ZNF529: variants seen among roughly 807,000 people sequenced by gnomAD.
ZNF529 encodes zinc finger protein 529.
A neutral mutation model predicts 10.1 loss-of-function variants in ZNF529; 11 were observed. The ratio of observed to expected loss-of-function variants is 1.09; its 90% CI spans 0.69 to 1.81. ZNF529 has a LOEUF of 1.81. ZNF529 is among the 40% of genes most tolerant of loss of function. The pLI is 0.00. For missense variants in ZNF529, 624 were observed against 666.8 expected, an observed-to-expected ratio of 0.94 and a Z score of 0.71; for synonymous variants, 204 against 215.7, an observed-to-expected ratio of 0.95 and a Z score of 0.47.
At position 36,548,207 on chromosome 19, in the gene ZNF529, G is replaced by A. The variant is rs2035124374; in HGVS notation, c.351C>T (p.Ser117=). ...ESSKLCGLEG[S]IFRNDWQSKS... Reference sequence around the variant, plus strand: ...TGCTTTGCCAGTCATTTCTGAAAATGGAACCTTCAAGGCCACATAACTTGC... The same window carrying A: ...TGCTTTGCCAGTCATTTCTGAAAATAGAACCTTCAAGGCCACATAACTTGC... The change falls in exon 5 of 5, where the codon TCC becomes TCT. Residue 117 remains serine (S), a synonymous_variant. Transcript: ENST00000591340. 2 of 1,613,816 alleles carry A rather than the reference G, an allele frequency of 1.2e-6. No individual in the cohort carries two copies. Among genetic ancestry groups the A allele is most frequent in the Non-Finnish European group, 1.7e-6 (2 of 1,179,858 alleles).
In ZNF529 at chr19:36,565,145, C is replaced by T. The variant is rs189215834; in HGVS notation, c.14+7188G>A. ...GAAAAACTATTGGGTACTAGGTTCA[C>T]TATCTGGAAGACAAGATCAATTGTA... On this transcript the variant is annotated intron_variant, in intron 2 of 4. Coordinates refer to ENST00000591340, the MANE Select transcript of ZNF529 (RefSeq NM_020951.5). Among the ~76,000 whole-genome samples, 322 of 152,242 alleles carry T rather than the reference C, an allele frequency of 2.1e-3. 6 individuals are homozygous for T. The highest frequency in any genetic ancestry group is 2.5e-3 in the Non-Finnish European group (169 of 68,014).
At chr19:36,586,036 C>T (rs1214786399) in intron 2 of ZNF529, among the ~76,000 whole-genome samples, 1 of 152,176 alleles carries the variant, frequency 6.6e-6, no homozygotes, top group Non-Finnish European at 1.5e-5. Flanking sequence ...CAGGCAAAGA[C>T]AGGAGTGTCC....
chr19:36,556,298 C>T lies in ZNF529; in HGVS notation c.15-101G>A, dbSNP rs150333116. 7.2e-4 allele frequency: 485 copies of T among 672,186 alleles called. No homozygotes were observed. The African/African-American group carries it at 7.5e-3, about 10-fold the overall frequency. 41.6% of individuals were successfully genotyped at this position (672,186 alleles called of 1,614,324 possible). A position where few individuals can be genotyped will look rare whatever the true frequency, so the allele number is the denominator to read the frequency against. ...AAGAAACATTAGTTTAAGAGAATCT[C>T]AAAAAACATGTTAAGAACTCTTAGA... On this transcript the variant is annotated intron_variant, in intron 2 of 4. Transcript: ENST00000591340.
At chr19:36,589,904 A>C (rs190672590) in intron 1 of ZNF529, among the ~76,000 whole-genome samples, 33 of 152,334 alleles carry the variant, frequency 2.2e-4, no homozygotes, top group Admixed American at 1.8e-3. Flanking sequence ...AAAATCGTAC[A>C]CAATGTATTC....
In ZNF529 at chr19:36,554,728, A is replaced by C. The variant is rs774083026; in HGVS notation, c.177T>G (p.Ala59=). 1 of 1,577,646 alleles carries C rather than the reference A, an allele frequency of 6.3e-7. No individual in the cohort carries two copies. The highest frequency in any genetic ancestry group is 1.8e-5 in the Admixed American group (1 of 54,450). The change falls in exon 4 of 5, where the codon GCT becomes GCG. Residue 59 remains alanine (A), a synonymous_variant. Transcript: ENST00000591340. ...TCACATCCCAGTACAAGTTCCTCTG[A>C]GCAGAATCCAGATATTCCCATTCCT... ...SQEEWEYLDS[A]QRNLYWDVMM... is the part of the protein sequence containing the mutation.
chr19:36,560,768 C>T (rs1487605699), intron 2 of ZNF529, among the ~76,000 whole-genome samples: 1 of 152,126 alleles, frequency 6.6e-6, no homozygotes, highest in Non-Finnish European at 1.5e-5. Context: ...AAATCAGAAG[C>T]TGTTTCTGAA....
chr19:36,594,991 G>A lies in ZNF529; in HGVS notation c.-127-5290C>T, dbSNP rs189970082. On this transcript the variant is annotated intron_variant, in intron 1 of 4. Coordinates refer to the ZNF529 transcript ENST00000585960. Reference sequence around the variant, plus strand: ...CCTCCTGGGTTCAAGTGATTCTCCCGCCTCAGCCTCCTGAGTAGCTGGGAT... The same window carrying A: ...CCTCCTGGGTTCAAGTGATTCTCCCACCTCAGCCTCCTGAGTAGCTGGGAT... Among the ~76,000 whole-genome samples the A allele has an allele frequency of 2.6e-3, 400 of 151,730 alleles. 1 individual carries two copies. Among genetic ancestry groups the A allele is most frequent in the African/African-American group, 9.0e-3 (371 of 41,388 alleles).
chr19:36,592,913 A>G (rs2036756579), intron 1 of ZNF529, among the ~76,000 whole-genome samples: 1 of 152,184 alleles, frequency 6.6e-6, no homozygotes, highest in Admixed American at 6.5e-5. Flanking sequence ...TCCCTTCATG[A>G]TGAAAACTCT....
upstream of ZNF529, chr19:36,578,059 A>ATTTTTTTTTTTTTTTTTTTTTT (rs755942233): frequency 1.1e-5 from 1 of 89,286 alleles, no homozygotes; most frequent in Non-Finnish European, 2.1e-5. Flanking sequence ...TGTGGGGGAG[A>ATTTTTTTTTTTTTTTTTTTTTT]TTTTTTTTTT....
At chr19:36,577,370 G>GCACCACTGTTTCCCTTCTAGTCATATCC (rs2036349899), upstream of ZNF529, 1 of 307,018 alleles carries the variant, frequency 3.3e-6, no homozygotes, top group South Asian at 2.5e-5. Flanking sequence ...GGGTCATGTT[G>GCACCACTGTTTCCCTTCTAGTCATATCC]CACCACTGTT....
In ZNF529 at chr19:36,547,825, AT is replaced by A. The variant is rs1370936427; in HGVS notation, c.732del (p.Tyr245ThrfsTer165). 5 of 1,609,992 alleles carry A rather than the reference AT, an allele frequency of 3.1e-6. No homozygotes were observed. On this transcript the variant is annotated frameshift_variant, in exon 5 of 5. Coordinates refer to ENST00000591340, the MANE Select transcript of ZNF529 (RefSeq NM_020951.5). LOFTEE classifies it low-confidence loss of function (END_TRUNC). ...AACTTCTCATTATGAATTTTCTGGT[AT>A]ACATTAAAGTCTTTATAAAAACTAC... The part of the protein sequence containing the change: ...NTCSFYKDFN[V>X]YQKIHNEKFY...
chr19:36,547,064 T>C lies in ZNF529; in HGVS notation c.1494A>G (p.Arg498=). Residue 498 remains arginine (R), a synonymous_variant, in exon 5 of 5, where the codon AGA becomes AGG. Transcript: ENST00000591340. ...RHSSALTEHQ[R]IHTGEKPYEC... is the part of the protein sequence containing the mutation. ...CATAGGGTTTTTCTCCAGTATGAATTCTCTGATGTTCTGTAAGGGCTGAAC... is the reference window on the plus strand; with the variant it reads ...CATAGGGTTTTTCTCCAGTATGAATCCTCTGATGTTCTGTAAGGGCTGAAC... 6.2e-7 allele frequency: 1 copy of C among 1,613,964 alleles called. No individual in the cohort carries two copies. The highest frequency in any genetic ancestry group is 8.5e-7 in the Non-Finnish European group (1 of 1,179,940).
intron 2 of ZNF529, among the ~76,000 whole-genome samples, chr19:36,578,460 G>A (rs919213264): frequency 9.3e-5 from 14 of 150,674 alleles, no homozygotes; most frequent in South Asian, 2.1e-4. Context: ...TGCCCGCCAC[G>A]ATGCCCGGCT....
intron 3 of ZNF529, 72 bp from the exon 4 acceptor site, chr19:36,554,868 G>C: frequency 7.3e-7 from 1 of 1,373,392 alleles, no homozygotes; most frequent in Non-Finnish European, 9.6e-7. Flanking sequence ...AAGAGGAATT[G>C]CCTTATAGCA....
intron 2 of ZNF529, among the ~76,000 whole-genome samples, chr19:36,578,543 G>C (rs1238537750): frequency 6.6e-6 from 1 of 151,246 alleles, no homozygotes; most frequent in Admixed American, 6.6e-5. Context: ...CTGACCTTGT[G>C]ATCCCCCCGC....
In ZNF529 at chr19:36,556,087, A is replaced by G. The variant is rs1161210530; in HGVS notation, c.108+17T>C. The stretch of plus-strand genomic sequence containing the variant: ...AAAAAGGAAATATCACAAAGAAAAG[A>G]GAAGTAGTTAACTTACATGGTCCAT... On this transcript the variant is annotated intron_variant, in intron 3 of 4. Transcript: ENST00000591340. 1 of 1,549,362 alleles carries G rather than the reference A, an allele frequency of 6.5e-7. No homozygotes were observed. Among genetic ancestry groups the G allele is most frequent in the Admixed American group, 2.0e-5 (1 of 50,342 alleles).
intron 1 of ZNF529, among the ~76,000 whole-genome samples, chr19:36,602,793 G>A (rs2036948730): frequency 6.6e-6 from 1 of 152,094 alleles, no homozygotes; most frequent in South Asian, 2.1e-4. Context: ...AGCCAGGCAT[G>A]GTGGCGCATG....
At chr19:36,557,858 G>A (rs896954266) in intron 2 of ZNF529, among the ~76,000 whole-genome samples, 3 of 152,146 alleles carry the variant, frequency 2.0e-5, no homozygotes, top group Non-Finnish European at 2.9e-5. Flanking sequence ...AGAGCAACCA[G>A]ATTTAACAGG....
chr19:36,582,048 T>C (rs946283466), intron 2 of ZNF529: 1 of 152,240 alleles, frequency 6.6e-6, no homozygotes, highest in African/African-American at 2.4e-5. Flanking sequence ...ATGAAGTATC[T>C]AGAGTAGTCC....
Sources: gnomAD v4.1 joint callset for allele counts (sites outside exome capture counted in the v4.1 genomes callset) on GRCh38, gnomAD v4.1.1 for gene constraint, MANE v1.5 for transcripts, NCBI Gene and HGNC (gene_info 2026-07-23, HGNC 2026-07-21) for gene names.